The following PDE1C variants were observed in gnomAD, a reference collection of about 807,000 sequenced individuals.
PDE1C encodes dual specificity calcium/calmodulin-dependent 3',5'-cyclic nucleotide phosphodiesterase 1C.
In PDE1C, 62 loss-of-function variants were observed where a neutral mutation model predicts 93.1. The ratio of observed to expected loss-of-function variants is 0.67; its 90% CI spans 0.54 to 0.82. The LOEUF is 0.82. Ranked by LOEUF, PDE1C falls within the 40% of genes least tolerant of loss-of-function variation. The pLI, the probability that PDE1C is intolerant of heterozygous loss-of-function variation, is 0.00. For synonymous variants in PDE1C, 325 were observed against 310.1 expected (o/e 1.05, Z -0.50); for missense variants, 742 against 884.6 (o/e 0.84, Z 2.04).
intron 1 of PDE1C, among the ~76,000 whole-genome samples, chr7:32,337,801 AC>A (rs1265416919): frequency 1.3e-5 from 2 of 152,186 alleles, no homozygotes; most frequent in South Asian, 2.1e-4. Flanking sequence ...GGGAAAAAAA[AC>A]AATGAGAAAA....
At chr7:31,948,012 G>T (rs554316463) in intron 2 of PDE1C, among the ~76,000 whole-genome samples, 1 of 152,292 alleles carries the variant, frequency 6.6e-6, no homozygotes, top group Non-Finnish European at 1.5e-5. Context: ...AATTTCGAAA[G>T]ACTAAACCCA....
intron 2 of PDE1C, among the ~76,000 whole-genome samples, chr7:32,182,417 C>A (rs550251282): frequency 2.4e-4 from 37 of 152,202 alleles, no homozygotes; most frequent in African/African-American, 7.9e-4. Flanking sequence ...ACTGGCAAAC[C>A]GAATCCAGCA....
upstream of PDE1C, among the ~76,000 whole-genome samples, chr7:32,300,588 TC>T (rs780651317): frequency 2.0e-5 from 3 of 152,138 alleles, no homozygotes; most frequent in Non-Finnish European, 4.4e-5. Flanking sequence ...AGTCTTACTT[TC>T]CTCCTCTGAC....
the PDE1C span, among the ~76,000 whole-genome samples, chr7:31,699,342 A>G: frequency 6.6e-6 from 1 of 152,202 alleles, no homozygotes; most frequent in Non-Finnish European, 1.5e-5. Context: ...GTTTTCTAAC[A>G]GAGAGGGGAG....
intron 3 of PDE1C, among the ~76,000 whole-genome samples, chr7:32,089,288 A>T (rs1797320447): frequency 6.6e-6 from 1 of 152,168 alleles, no homozygotes; most frequent in Non-Finnish European, 1.5e-5. Flanking sequence ...TAAGTAACTC[A>T]ATCAAGGTCA....
At chr7:32,200,365 A>G (rs73689064) in intron 2 of PDE1C, among the ~76,000 whole-genome samples, 7,460 of 152,244 alleles carry the variant, frequency 0.049, 238 homozygotes, top group African/African-American at 0.086. Context: ...TTAATTTCTT[A>G]GGCTCAAAGT....
At chr7:31,637,971 C>T in the PDE1C span, among the ~76,000 whole-genome samples, 1 of 152,134 alleles carries the variant, frequency 6.6e-6, no homozygotes, top group African/African-American at 2.4e-5. Flanking sequence ...CCAGTTTTCC[C>T]AACACCATTT....
intron 3 of PDE1C, among the ~76,000 whole-genome samples, chr7:32,087,851 TG>T (rs966722884): frequency 8.1e-4 from 83 of 102,938 alleles, no homozygotes; most frequent in Non-Finnish European, 7.2e-4. Context: ...GGGACTGTTG[TG>T]GGGTGGTGGG....
chr7:31,964,324 T>C (rs13234754), intron 2 of PDE1C, among the ~76,000 whole-genome samples: 86,781 of 152,156 alleles, frequency 0.57, 24,933 homozygotes, highest in Admixed American at 0.64. Flanking sequence ...ACACCTGGCT[T>C]GGAGGGTCCT....
chr7:32,327,187 C>T (rs908733968), intron 1 of PDE1C, among the ~76,000 whole-genome samples: 3 of 152,188 alleles, frequency 2.0e-5, no homozygotes, highest in Non-Finnish European at 2.9e-5. Context: ...TTACCCAAGT[C>T]AAATGTATTT....
At chr7:31,778,668 C>T (rs577823723) in intron 16 of PDE1C, among the ~76,000 whole-genome samples, 2 of 152,326 alleles carry the variant, frequency 1.3e-5, no homozygotes, top group East Asian at 3.9e-4. Context: ...CCCAATTTGG[C>T]TGCTTGGTCA....
At chr7:32,417,548 T>G (rs537453135) in intron 1 of PDE1C, among the ~76,000 whole-genome samples, 1 of 152,094 alleles carries the variant, frequency 6.6e-6, no homozygotes, top group African/African-American at 2.4e-5. Context: ...CCATTAATCA[T>G]GGGCAGAGCC....
At chr7:31,708,771 C>T in the PDE1C span, among the ~76,000 whole-genome samples, 1 of 152,138 alleles carries the variant, frequency 6.6e-6, no homozygotes, top group Admixed American at 6.5e-5. Context: ...CAAGCATTCC[C>T]GTTTGCCATA....
intron 1 of PDE1C, among the ~76,000 whole-genome samples, chr7:32,401,419 C>T (rs1159991897): frequency 2.6e-5 from 4 of 151,926 alleles, no homozygotes; most frequent in African/African-American, 9.7e-5. Context: ...TGCCTGTAAT[C>T]CCAACTACTC....
intron 3 of PDE1C, among the ~76,000 whole-genome samples, chr7:31,880,534 T>C (rs886383005): frequency 6.6e-6 from 1 of 152,170 alleles, no homozygotes; most frequent in Non-Finnish European, 1.5e-5. Context: ...GGCGGCCATA[T>C]GAGATTTGTT....
intron 3 of PDE1C, among the ~76,000 whole-genome samples, chr7:32,132,122 G>T (rs766961739): frequency 7.9e-5 from 12 of 152,024 alleles, no homozygotes; most frequent in Non-Finnish European, 1.6e-4. Context: ...TTAGGTAAAG[G>T]GTGCTTCAAG....
chr7:32,242,421 T>C (rs950485435), intron 1 of PDE1C, among the ~76,000 whole-genome samples: 10 of 152,092 alleles, frequency 6.6e-5, no homozygotes, highest in African/African-American at 2.2e-4. Flanking sequence ...CAATTATTGG[T>C]AAAAGCCTAG....
intron 3 of PDE1C, 182 bp from the exon 4 acceptor site, chr7:31,879,360 G>T (rs139304440): frequency 1.6e-5 from 9 of 575,926 alleles, no homozygotes; most frequent in Non-Finnish European, 2.4e-5. Context: ...TGTGTGTTTC[G>T]CGATGGTCTT....
chr7:31,783,514 T>C (rs540104191), intron 16 of PDE1C: 2 of 152,180 alleles, frequency 1.3e-5, no homozygotes, highest in South Asian at 4.1e-4. Context: ...TTTTCATTTT[T>C]CCAATTCCAA....
Sources: allele counts gnomAD v4.1 joint callset (sites outside exome capture counted in the v4.1 genomes callset), GRCh38; gene constraint gnomAD v4.1.1; transcripts MANE v1.5; gene names NCBI Gene and HGNC (gene_info 2026-07-23, HGNC 2026-07-21).